The following SPICE1 variants were observed in gnomAD, a reference collection of about 807,000 sequenced individuals.
SPICE1 encodes spindle and centriole-associated protein 1.
A neutral mutation model predicts 102.7 loss-of-function variants in SPICE1; 75 were observed. The observed-to-expected ratio is 0.73, with a 90% CI of 0.61 to 0.88. The LOEUF is 0.88. SPICE1 is among the 40% of genes least tolerant of loss of function. The pLI is 0.00. For synonymous variants in SPICE1, 308 were observed against 350.3 expected (o/e 0.88, Z 1.35); for missense variants, 979 against 1,020.1 (o/e 0.96, Z 0.55).
Position 113,445,251 on chromosome 3 carries a change from C to G in SPICE1, c.*56G>C, listed in dbSNP as rs113186880. ...GGATATAAAAACTTAAAAGTCAGAG[C>G]AGGGAAAGGGAAGTAATAAATTATT... On this transcript the variant is annotated 3_prime_UTR_variant, in exon 18 of 18. Transcript: ENST00000295872. The G allele has an allele frequency of 7.0e-7, 1 of 1,420,110 alleles. No homozygotes were observed. 88.0% of individuals were successfully genotyped at this position (1,420,110 alleles called of 1,614,324 possible).
chr3:113,474,898 C>T (rs1176254254), intron 7 of SPICE1, among the ~76,000 whole-genome samples: 2 of 152,076 alleles, frequency 1.3e-5, no homozygotes, highest in African/African-American at 4.8e-5. Flanking sequence ...CAAACACATT[C>T]AAAAGCTAGC....
rs558054372 is a variant in SPICE1, at chr3:113,445,028, A to T, written c.*279T>A. Reference sequence around the variant, plus strand: ...AAGATAAAGGTAAAAATGTATTAATAAAAAAAACCCTTAAAATACTTAAGA... The same window carrying T: ...AAGATAAAGGTAAAAATGTATTAATTAAAAAAACCCTTAAAATACTTAAGA... On this transcript the variant is annotated 3_prime_UTR_variant, in exon 18 of 18. Transcript: ENST00000295872. 18 of 235,158 alleles carry T rather than the reference A, an allele frequency of 7.7e-5. No individual in the cohort carries two copies. Among genetic ancestry groups the T allele is most frequent in the Admixed American group, 3.9e-4 (7 of 17,860 alleles). The allele number at this position is 235,158 out of a possible 1,614,324, so 14.6% of individuals were successfully genotyped here. A position where few individuals can be genotyped will look rare whatever the true frequency, so the allele number is the denominator to read the frequency against.
chr3:113,457,090 G>A (rs1275439265), intron 13 of SPICE1, 46 bp downstream of exon 13: 1 of 1,557,896 alleles, frequency 6.4e-7, no homozygotes, highest in Non-Finnish European at 8.8e-7. Flanking sequence ...TTGCACAAAT[G>A]AAACATTAAA....
chr3:113,468,435 G>A, intron 9 of SPICE1, 31 bp from the exon 10 acceptor site: 1 of 1,591,504 alleles, frequency 6.3e-7, no homozygotes, highest in Non-Finnish European at 8.6e-7. Flanking sequence ...TCTATTTTAA[G>A]ACCAGGAAAA....
chr3:113,507,467 G>A (rs1403852031), intron 1 of SPICE1, among the ~76,000 whole-genome samples: 1 of 151,818 alleles, frequency 6.6e-6, no homozygotes, highest in Admixed American at 6.6e-5. Context: ...AAGGACTCTA[G>A]TATTTTCCTT....
At chr3:113,448,865 AT>A (rs1273197066) in intron 15 of SPICE1, 1 of 152,184 alleles carries the variant, frequency 6.6e-6, no homozygotes, top group East Asian at 1.9e-4. Flanking sequence ...TATTTTTATC[AT>A]TATAGTCCAC....
chr3:113,443,504 C>T lies in SPICE1; in HGVS notation c.*1803G>A, dbSNP rs1291459723. The T allele has an allele frequency of 1.3e-5, 2 of 152,352 alleles. No individual in the cohort carries two copies. The highest frequency in any genetic ancestry group is 3.4e-3 in the Middle Eastern group (1 of 294). 9.4% of individuals were successfully genotyped at this position (152,352 alleles called of 1,614,324 possible). On this transcript the variant is annotated 3_prime_UTR_variant, in exon 18 of 18. Transcript: ENST00000295872. ...GTGCTGGGAGAGGAGGAAGCATTTA[C>T]ATACCTCTAACTGATAGGTCTACTA...
At position 113,514,904 on chromosome 3, in the gene SPICE1, C is replaced by A; in HGVS notation, c.-8G>T. 1 of 1,165,690 alleles carries A rather than the reference C, an allele frequency of 8.6e-7. No individual in the cohort carries two copies. Among genetic ancestry groups the A allele is most frequent in the Non-Finnish European group, 1.1e-6 (1 of 925,100 alleles). 72.2% of individuals were successfully genotyped at this position (1,165,690 alleles called of 1,614,324 possible). On this transcript the variant is annotated 5_prime_UTR_variant, in exon 1 of 18. Coordinates refer to ENST00000295872, the MANE Select transcript of SPICE1 (RefSeq NM_144718.4). ...ACGCACCCTGACACGTACTTGCACT[C>A]TCAAAACACAGAGCCGCGGCTGCGC... is the stretch of plus-strand genomic sequence containing the variant.
intron 5 of SPICE1, among the ~76,000 whole-genome samples, chr3:113,493,632 G>A (rs187682302): frequency 5.0e-4 from 76 of 152,214 alleles, no homozygotes; most frequent in South Asian, 1.2e-3. Context: ...AACTAATGAT[G>A]TTTCTAGAAG....
intron 16 of SPICE1, 62 bp from the exon 17 acceptor site, chr3:113,446,738 A>T: frequency 7.6e-7 from 1 of 1,324,430 alleles, no homozygotes; most frequent in Non-Finnish European, 1.1e-6. Context: ...TTAAAAGATT[A>T]TGCAAACAAC....
At chr3:113,507,476 T>C (rs2107508413) in intron 1 of SPICE1, among the ~76,000 whole-genome samples, 2 of 152,216 alleles carry the variant, frequency 1.3e-5, no homozygotes, top group Admixed American at 1.3e-4. Context: ...AGTATTTTCC[T>C]TAAGTACTTT....
chr3:113,451,322 T>A (rs373403529), intron 14 of SPICE1, among the ~76,000 whole-genome samples: 5 of 151,566 alleles, frequency 3.3e-5, no homozygotes, highest in African/African-American at 1.2e-4. Flanking sequence ...ATTTGAAAAT[T>A]CCCCCCCCAA....
chr3:113,472,507 C>T (rs1936230316), intron 7 of SPICE1, among the ~76,000 whole-genome samples: 1 of 152,190 alleles, frequency 6.6e-6, no homozygotes, highest in Non-Finnish European at 1.5e-5. Flanking sequence ...ACCCCTGACC[C>T]CCGAGCAGCC....
rs1178347070 is a variant in SPICE1 at position 113,450,425 on chromosome 3, A to G, written c.2234T>C (p.Leu745Pro). The G allele has an allele frequency of 6.2e-7, 1 of 1,614,042 alleles. No homozygotes were observed. Among genetic ancestry groups the G allele is most frequent in the Admixed American group, 1.7e-5 (1 of 60,010 alleles). Residue 745 changes from leucine to proline, a missense_variant, in exon 15 of 18, where the codon CTA becomes CCA. Leu to Pro is a moderately conservative substitution (Grantham distance 98). Coordinates refer to ENST00000295872, the MANE Select transcript of SPICE1 (RefSeq NM_144718.4). ...NRQSMEARGK[L>P]LQLIEQQKLV... The stretch of plus-strand genomic sequence containing the variant: ...TTTCTGCTGCTCTATCAACTGCAGT[A>G]GTTTTCCACGAGCCTCCATACTTTG...
Position 113,469,169 on chromosome 3 carries a change from T to G in SPICE1, c.681A>C (p.Lys227Asn), listed in dbSNP as rs1413253887. ...ISKLWTDIQQ[K>N]IATQSQITPP... is the part of the protein sequence containing the mutation. Reference sequence around the variant, plus strand: ...GAGTTATTTGTGACTGGGTTGCTATTTTCTGCTGAATGTCAGTCCACAACT... The same window carrying G: ...GAGTTATTTGTGACTGGGTTGCTATGTTCTGCTGAATGTCAGTCCACAACT... Residue 227 changes from lysine (K) to asparagine (N), a missense_variant, in exon 8 of 18, where the codon AAA (lysine) becomes AAC (asparagine). Lys to Asn is a moderately conservative substitution (Grantham distance 94). Coordinates refer to ENST00000295872, the MANE Select transcript of SPICE1 (RefSeq NM_144718.4). 6.2e-7 allele frequency: 1 copy of G among 1,613,502 alleles called. No homozygotes were observed. The highest frequency in any genetic ancestry group is 2.2e-5 in the East Asian group (1 of 44,856).
intron 16 of SPICE1, among the ~76,000 whole-genome samples, 183 bp from the exon 17 acceptor site, chr3:113,446,859 T>C (rs1935528039): frequency 6.6e-6 from 1 of 152,226 alleles, no homozygotes; most frequent in Admixed American, 6.5e-5. Flanking sequence ...TATTTGTTCA[T>C]TAATAGTGAT....
intron 6 of SPICE1, 108 bp downstream of exon 6, chr3:113,493,098 A>C: frequency 3.9e-6 from 3 of 764,774 alleles, no homozygotes; most frequent in Non-Finnish European, 6.2e-6. Context: ...TAGCAACCAC[A>C]ACTAGCACTT....
intron 15 of SPICE1, chr3:113,449,513 CAA>C (rs1326327798): frequency 3.9e-5 from 6 of 152,056 alleles, no homozygotes; most frequent in African/African-American, 4.8e-5. Context: ...CAGCAATTTC[CAA>C]AAGAGTCTGC....
chr3:113,448,546 G>A (rs143667049), intron 15 of SPICE1, among the ~76,000 whole-genome samples: 3 of 152,148 alleles, frequency 2.0e-5, no homozygotes, highest in Middle Eastern at 3.4e-3. Flanking sequence ...CTTTTAAATC[G>A]ATTACATTAT....
Sources: gnomAD v4.1 joint callset for allele counts (sites outside exome capture counted in the v4.1 genomes callset) on GRCh38, gnomAD v4.1.1 for gene constraint, MANE v1.5 for transcripts, NCBI Gene and HGNC (gene_info 2026-07-23, HGNC 2026-07-21) for gene names.